Variants in NUGGC observed in about 807,000 individuals in gnomAD.
The protein encoded by NUGGC is nuclear GTPase SLIP-GC.
A neutral mutation model predicts 92.6 loss-of-function variants in NUGGC; 58 were observed. The observed-to-expected ratio is 0.63, with a 90% CI of 0.51 to 0.78. The LOEUF (loss-of-function observed/expected upper bound fraction) is 0.78, where lower values mean the gene tolerates loss of function less well. Among genes scored for constraint, NUGGC ranks in the 30% least tolerant of loss-of-function variants. The pLI is 0.00. For missense variants in NUGGC, 925 were observed against 964.6 expected (o/e 0.96, Z 0.54); for synonymous variants, 376 against 366.4 (o/e 1.03, Z -0.30).
intron 18 of NUGGC, 31 bp from the exon 19 acceptor site, chr8:28,023,493 CTT>C: frequency 6.3e-7 from 1 of 1,591,802 alleles, no homozygotes; most frequent in Non-Finnish European, 8.6e-7. Flanking sequence ...CACATCAGGA[CTT>C]GGTGTCCGTT....
At chr8:28,081,647 G>C (rs28415947) in intron 1 of NUGGC, among the ~76,000 whole-genome samples, 6,960 of 152,178 alleles carry the variant, frequency 0.046, 555 homozygotes, top group African/African-American at 0.16. Context: ...GGGAGGCTGA[G>C]CCGGGCAGAT....
intron 1 of NUGGC, 106 bp from the exon 2 acceptor site, chr8:28,074,562 C>T: frequency 1.4e-6 from 1 of 703,148 alleles, no homozygotes; most frequent in Non-Finnish European, 2.5e-6. Context: ...CTGCCCATTC[C>T]AACGTATCTC....
chr8:28,045,532 G>T lies in NUGGC; in HGVS notation c.1441C>A (p.Leu481Met). The T allele has an allele frequency of 6.2e-7, 1 of 1,612,012 alleles. No homozygotes were observed. Among genetic ancestry groups the T allele is most frequent in the Non-Finnish European group, 8.5e-7 (1 of 1,179,564 alleles). The change falls in exon 12 of 19, where the codon CTG (leucine) becomes ATG (methionine). Residue 481 changes from leucine (L) to methionine (M), a missense_variant. Coordinates refer to ENST00000413272, the MANE Select transcript of NUGGC (RefSeq NM_001010906.2). ...LTDSFNSTQNLPNEHLHMSVL... is the reference protein window; with the variant it reads ...LTDSFNSTQNMPNEHLHMSVL... ...AAACCCAGTGTCTTCCATACCGGCA[G>T]GTTTTGCGTGGAGTTGAAACTATCT...
chr8:28,053,570 T>C (rs1810060624), intron 10 of NUGGC, among the ~76,000 whole-genome samples: 1 of 152,164 alleles, frequency 6.6e-6, no homozygotes, highest in Non-Finnish European at 1.5e-5. Flanking sequence ...GGTTGGAGAA[T>C]GAAGGCATCA....
At chr8:28,076,505 C>G (rs1810725561) in intron 1 of NUGGC, among the ~76,000 whole-genome samples, 1 of 152,158 alleles carries the variant, frequency 6.6e-6, no homozygotes, top group Admixed American at 6.5e-5. Context: ...CCATGTTGGC[C>G]AGGCTGGTCT....
intron 8 of NUGGC, 109 bp from the exon 9 acceptor site, chr8:28,058,385 T>C: frequency 4.7e-6 from 1 of 213,924 alleles, no homozygotes; most frequent in Non-Finnish European, 1.0e-5. Flanking sequence ...CTGTGCCTTT[T>C]CATAAGTTCT....
At chr8:28,077,669 G>T (rs1428742771) in intron 1 of NUGGC, among the ~76,000 whole-genome samples, 2 of 152,140 alleles carry the variant, frequency 1.3e-5, no homozygotes, top group African/African-American at 2.4e-5. Context: ...GAAATGCTAG[G>T]CATCATATTA....
chr8:28,059,740 G>T (rs1810244523), intron 8 of NUGGC, among the ~76,000 whole-genome samples: 2 of 152,106 alleles, frequency 1.3e-5, no homozygotes, highest in Non-Finnish European at 1.5e-5. Flanking sequence ...CTGTACCCTG[G>T]GCTGGGTGCA....
At position 28,075,193 on chromosome 8, in the gene NUGGC, G is replaced by A. The variant is rs185013246; in HGVS notation, c.-46-737C>T. Reference sequence around the variant, plus strand: ...GAGTTCCCTGGAGTTGCTTTGGGGGGCTGCTGACTGGGGAAGGAGATGCAG... The same window carrying A: ...GAGTTCCCTGGAGTTGCTTTGGGGGACTGCTGACTGGGGAAGGAGATGCAG... On this transcript the variant is annotated intron_variant, in intron 1 of 18. Coordinates refer to ENST00000413272, the MANE Select transcript of NUGGC (RefSeq NM_001010906.2). Among the ~76,000 whole-genome samples, 275 of 152,248 alleles carry A rather than the reference G, an allele frequency of 1.8e-3. 1 individual carries two copies. In the Middle Eastern group the frequency reaches 0.02, roughly 11 times the overall value.
intron 2 of NUGGC, among the ~76,000 whole-genome samples, chr8:28,072,707 GA>G: frequency 6.6e-6 from 1 of 152,224 alleles, no homozygotes; most frequent in East Asian, 1.9e-4. Flanking sequence ...CTGGAAAGGA[GA>G]AAGTATTCCA....
intron 1 of NUGGC, among the ~76,000 whole-genome samples, chr8:28,076,554 C>T (rs939450236): frequency 3.9e-5 from 6 of 152,210 alleles, no homozygotes; most frequent in Admixed American, 3.9e-4. Flanking sequence ...ACTTCAGCCT[C>T]CCAAAGGGCT....
chr8:28,057,448 T>C (rs780688083), intron 9 of NUGGC, among the ~76,000 whole-genome samples: 18 of 151,548 alleles, frequency 1.2e-4, no homozygotes, highest in Non-Finnish European at 1.8e-4. Context: ...TTCAAGTGAC[T>C]GTCCTGCTTC....
chr8:28,058,437 T>G (rs1003200024), intron 8 of NUGGC, among the ~76,000 whole-genome samples, 161 bp from the exon 9 acceptor site: 1 of 152,092 alleles, frequency 6.6e-6, no homozygotes, highest in African/African-American at 2.4e-5. Flanking sequence ...ATCTCCAGCA[T>G]CCACTTGAAA....
At chr8:28,044,992 A>C (rs776707411) in intron 12 of NUGGC, among the ~76,000 whole-genome samples, 6 of 152,202 alleles carry the variant, frequency 3.9e-5, no homozygotes, top group African/African-American at 7.2e-5. Context: ...GAGAAAAGTA[A>C]TTTTAACTAC....
intron 17 of NUGGC, among the ~76,000 whole-genome samples, chr8:28,028,189 T>A (rs1357417268): frequency 2.6e-5 from 4 of 152,208 alleles, no homozygotes; most frequent in Non-Finnish European, 5.9e-5. Flanking sequence ...CGACATAGTT[T>A]CCTGGGTGTC....
chr8:28,066,210 C>T (rs910950608), intron 6 of NUGGC, among the ~76,000 whole-genome samples: 5 of 152,198 alleles, frequency 3.3e-5, no homozygotes, highest in African/African-American at 1.2e-4. Flanking sequence ...GTTTCTTAGA[C>T]ATGCTCAGTC....
At chr8:28,064,309 G>C (rs1366419445) in intron 7 of NUGGC, among the ~76,000 whole-genome samples, 2 of 152,094 alleles carry the variant, frequency 1.3e-5, no homozygotes. Flanking sequence ...ACTTGTCCCA[G>C]CTCCAATAGT....
intron 1 of NUGGC, among the ~76,000 whole-genome samples, chr8:28,077,634 G>C (rs539851121): frequency 2.8e-4 from 43 of 152,274 alleles, no homozygotes; most frequent in African/African-American, 1.0e-3. Flanking sequence ...TTTCTGAAGA[G>C]AGCAGCTTAA....
intron 7 of NUGGC, among the ~76,000 whole-genome samples, chr8:28,061,682 T>C (rs1810309396): frequency 6.6e-6 from 1 of 152,238 alleles, no homozygotes; most frequent in Admixed American, 6.5e-5. Flanking sequence ...ATGATGGTTA[T>C]GATTCCAGCT....
Sources: gnomAD v4.1 joint callset for allele counts (sites outside exome capture counted in the v4.1 genomes callset) on GRCh38, gnomAD v4.1.1 for gene constraint, MANE v1.5 for transcripts, NCBI Gene and HGNC (gene_info 2026-07-23, HGNC 2026-07-21) for gene names.